The following TMEM131 variants were observed in gnomAD, a reference collection of about 807,000 sequenced individuals.
The protein encoded by TMEM131 is 2610524E03Rik.
Under a neutral mutation model 211.6 loss-of-function variants are expected in TMEM131, and 66 were observed. That is an observed-to-expected ratio of 0.31 (90% CI 0.26 to 0.38). The LOEUF is 0.38. TMEM131 is among the 10% of genes least tolerant of loss of function. The pLI is 1.00. For synonymous variants in TMEM131, 844 were observed against 841.3 expected (o/e 1.00, Z -0.06); for missense variants, 2,036 against 2,299.3 (o/e 0.89, Z 2.34).
At chr2:97,852,834 C>T (rs1485000576) in intron 5 of TMEM131, among the ~76,000 whole-genome samples, 1 of 152,246 alleles carries the variant, frequency 6.6e-6, no homozygotes, top group Non-Finnish European at 1.5e-5. Context: ...GGGACTAACA[C>T]AGCTGGTGGC....
At position 97,995,630 on chromosome 2, in the gene TMEM131, T is replaced by C. The variant is rs1238143618; in HGVS notation, c.33A>G (p.Gly11=). ...ACGTGGAGACGGCGGCGGTGGTGGCTCCGGTTGCTCCTCCTCCCGCCCGCT... is the reference window on the plus strand; with the variant it reads ...ACGTGGAGACGGCGGCGGTGGTGGCCCCGGTTGCTCCTCCTCCCGCCCGCT... MGKRAGGGAT[G]ATTAAVSTSA... The change falls in exon 1 of 41, where the codon GGA becomes GGG. Residue 11 remains glycine, a synonymous_variant. Transcript: ENST00000186436. 9 of 1,226,928 alleles carry C rather than the reference T, an allele frequency of 7.3e-6. No homozygotes were observed. The highest frequency in any genetic ancestry group is 8.1e-6 in the Non-Finnish European group (8 of 984,292). The allele number at this position is 1,226,928 out of a possible 1,614,324, so 76.0% of individuals were successfully genotyped here.
At chr2:97,885,440 C>CACCTCG (rs1553609817) in intron 4 of TMEM131, among the ~76,000 whole-genome samples, 17 of 150,774 alleles carry the variant, frequency 1.1e-4, no homozygotes, top group African/African-American at 3.4e-4. Flanking sequence ...GTGATCCGCC[C>CACCTCG]GCCTCCCAAA....
At chr2:97,864,625 C>T (rs1318375295) in intron 4 of TMEM131, among the ~76,000 whole-genome samples, 1 of 152,176 alleles carries the variant, frequency 6.6e-6, no homozygotes, top group African/African-American at 2.4e-5. Context: ...CTGCCATCTT[C>T]CTTCCCCACA....
rs189713232 is a variant in TMEM131 at position 97,940,788 on chromosome 2, G to A, written c.188-13301C>T. 4.0e-3 allele frequency among the ~76,000 whole-genome samples: 575 copies of A among 145,338 alleles called. 2 individuals carry two copies. Among genetic ancestry groups the A allele is most frequent in the African/African-American group, 0.014 (546 of 39,094 alleles). ...CGTGGCACTGCACTCCAGCCTGGGC[G>A]ACAGAGCCAGACTCCATCTCAAAAA... On this transcript the variant is annotated intron_variant, in intron 1 of 40. Transcript: ENST00000186436.
At chr2:97,786,294 C>T (rs1216557208) in intron 31 of TMEM131, among the ~76,000 whole-genome samples, 1 of 152,154 alleles carries the variant, frequency 6.6e-6, no homozygotes, top group Non-Finnish European at 1.5e-5. Flanking sequence ...CACTTGTAAT[C>T]CCAGCACTTT....
intron 5 of TMEM131, among the ~76,000 whole-genome samples, chr2:97,857,718 T>C (rs1319935177): frequency 1.3e-5 from 2 of 152,176 alleles, no homozygotes; most frequent in African/African-American, 4.8e-5. Context: ...TGTAATATGA[T>C]ATAAATCACT....
intron 1 of TMEM131, among the ~76,000 whole-genome samples, chr2:97,977,752 G>C (rs1253948489): frequency 6.6e-6 from 1 of 152,156 alleles, no homozygotes; most frequent in Non-Finnish European, 1.5e-5. Context: ...TCAGGATCAG[G>C]ATAATGGTTG....
intron 2 of TMEM131, among the ~76,000 whole-genome samples, chr2:97,912,432 T>C (rs1340094053): frequency 6.6e-6 from 1 of 152,172 alleles, no homozygotes; most frequent in Non-Finnish European, 1.5e-5. Context: ...CATCCAGAGA[T>C]AAGGGTCTAT....
chr2:97,953,909 C>T (rs1257909311), intron 1 of TMEM131, among the ~76,000 whole-genome samples: 7 of 152,164 alleles, frequency 4.6e-5, no homozygotes, highest in Admixed American at 2.6e-4. Context: ...TCTTCAAACA[C>T]TTCTGTATAC....
At chr2:97,933,219 C>A (rs1677306640) in intron 1 of TMEM131, among the ~76,000 whole-genome samples, 1 of 152,144 alleles carries the variant, frequency 6.6e-6, no homozygotes, top group Admixed American at 6.5e-5. Context: ...AGTCTCCAAA[C>A]AGAAACACCA....
chr2:97,797,219 T>C (rs1383384704), intron 26 of TMEM131, 146 bp downstream of exon 26: 1 of 878,188 alleles, frequency 1.1e-6, no homozygotes, highest in African/African-American at 1.7e-5. Context: ...CAAAGGTATG[T>C]TTCATCAGGC....
At chr2:97,921,480 T>C (rs1676738077) in intron 2 of TMEM131, among the ~76,000 whole-genome samples, 1 of 152,178 alleles carries the variant, frequency 6.6e-6, no homozygotes, top group Admixed American at 6.5e-5. Context: ...TTAACCATAA[T>C]GGAAAATACT....
At chr2:97,876,996 C>A (rs1405745559) in intron 4 of TMEM131, among the ~76,000 whole-genome samples, 1 of 152,222 alleles carries the variant, frequency 6.6e-6, no homozygotes, top group Non-Finnish European at 1.5e-5. Flanking sequence ...TGATAAGCAA[C>A]TTCAGCAAAG....
At chr2:97,947,335 TACTAGAATTTTTTTG>T in intron 1 of TMEM131, among the ~76,000 whole-genome samples, 1 of 152,086 alleles carries the variant, frequency 6.6e-6, no homozygotes, top group East Asian at 1.9e-4. Context: ...ATAAAAATTC[TACTAGAATTTTTTTG>T]ATTCTGGTAC....
chr2:97,794,159 C>A (rs962343747), intron 29 of TMEM131, among the ~76,000 whole-genome samples: 1 of 151,766 alleles, frequency 6.6e-6, no homozygotes, highest in Non-Finnish European at 1.5e-5. Flanking sequence ...CTCAGCCTCC[C>A]CAGTAGCTGG....
chr2:97,867,865 G>A (rs545147515), intron 4 of TMEM131, among the ~76,000 whole-genome samples: 1 of 152,278 alleles, frequency 6.6e-6, no homozygotes, highest in South Asian at 2.1e-4. Flanking sequence ...GTGGTGGGGA[G>A]CATAATAGAA....
intron 4 of TMEM131, among the ~76,000 whole-genome samples, chr2:97,873,113 T>C (rs563329765): frequency 6.6e-6 from 1 of 152,338 alleles, no homozygotes; most frequent in Admixed American, 6.5e-5. Context: ...ACAATCACAG[T>C]GTAAACAAAG....
chr2:97,838,457 T>A (rs920623314), intron 7 of TMEM131, among the ~76,000 whole-genome samples: 2 of 67,474 alleles, frequency 3.0e-5, no homozygotes, highest in African/African-American at 1.1e-4. Context: ...TTTTTTTTTT[T>A]TTTTTGAGAC....
rs541152735 is a variant in TMEM131, at chr2:97,791,345, T to G, written c.4144+1041A>C. On this transcript the variant is annotated intron_variant, in intron 31 of 40. Coordinates refer to ENST00000186436, the MANE Select transcript of TMEM131 (RefSeq NM_015348.2). ...AATGAGCAGAATACTACAACATTGA[T>G]GGGATGCCACTTCCCAGATTAGATA... is the stretch of plus-strand genomic sequence containing the variant. Among the ~76,000 whole-genome samples the G allele has an allele frequency of 4.6e-5, 7 of 152,308 alleles. 1 individual carries two copies. The South Asian group carries it at 1.2e-3, about 27-fold the overall frequency.
Sources: allele counts gnomAD v4.1 joint callset (sites outside exome capture counted in the v4.1 genomes callset), GRCh38; gene constraint gnomAD v4.1.1; transcripts MANE v1.5; gene names NCBI Gene and HGNC (gene_info 2026-07-23, HGNC 2026-07-21).